Variants in IFNAR2 observed in about 807,000 individuals in gnomAD.
The protein encoded by IFNAR2 is interferon alpha and beta receptor subunit 2, also known as interferon alpha/beta receptor 2.
In IFNAR2, 30 loss-of-function variants were observed where a neutral mutation model predicts 49.4. The observed-to-expected ratio is 0.61, with a 90% CI of 0.45 to 0.82. IFNAR2 has a LOEUF of 0.82. Among genes scored for constraint, IFNAR2 ranks in the 40% least tolerant of loss-of-function variants. The probability of loss-of-function intolerance (pLI) is 0.00; values close to 1 mark genes in which losing one functional copy is unlikely to be tolerated. For synonymous variants in IFNAR2, 224 were observed against 234.5 expected, an observed-to-expected ratio of 0.96 and a Z score of 0.41; for missense variants, 600 against 622.7, an observed-to-expected ratio of 0.96 and a Z score of 0.39.
intron 7 of IFNAR2, among the ~76,000 whole-genome samples, chr21:33,260,355 C>T (rs1988480940): frequency 1.3e-5 from 2 of 152,166 alleles, no homozygotes; most frequent in Admixed American, 6.5e-5. Flanking sequence ...CTCCACTGTA[C>T]AGTGCAGTTA....
chr21:33,256,711 G>A (rs1601813896), intron 7 of IFNAR2, among the ~76,000 whole-genome samples: 3 of 152,164 alleles, frequency 2.0e-5, no homozygotes, highest in African/African-American at 7.2e-5. Context: ...TTTATTGGGG[G>A]CCTGTTATGA....
rs146390537 is a variant in IFNAR2 at position 33,254,058 on chromosome 21, G to A, written c.709+1228G>A. On this transcript the variant is annotated intron_variant, in intron 7 of 8. Transcript: ENST00000342136. ...TGACACCAATGGAAGTATCTTTAATGTTCTGATTTACCAGAATAAAAATAA... is the reference window on the plus strand; with the variant it reads ...TGACACCAATGGAAGTATCTTTAATATTCTGATTTACCAGAATAAAAATAA... Among the ~76,000 whole-genome samples, 686 of 152,230 alleles carry A rather than the reference G, an allele frequency of 4.5e-3. 3 individuals are homozygous for A. The highest frequency in any genetic ancestry group is 0.016 in the African/African-American group (644 of 41,528).
chr21:33,230,659 C>T lies in IFNAR2; in HGVS notation c.-84+443C>T, dbSNP rs1465431159. The T allele has an allele frequency of 2.2e-6, 1 of 462,698 alleles. No individual in the cohort carries two copies. The highest frequency in any genetic ancestry group is 4.5e-6 in the Non-Finnish European group (1 of 222,806). The allele number at this position is 462,698 out of a possible 1,614,324, so 28.7% of individuals were successfully genotyped here. On this transcript the variant is annotated intron_variant, in intron 1 of 8. Coordinates refer to ENST00000342136, the MANE Select transcript of IFNAR2 (RefSeq NM_001289125.3). The surrounding 1 kb of genome is among the most constrained non-coding windows in gnomAD (Gnocchi z 5.5). ...GCTCAGGTTCGGGATCTCCAGCCCG[C>T]CCCCTTGAGGTCCCCTGGGATTAGC...
At chr21:33,255,002 C>T (rs1416014855) in intron 7 of IFNAR2, among the ~76,000 whole-genome samples, 3 of 152,158 alleles carry the variant, frequency 2.0e-5, no homozygotes, top group Non-Finnish European at 4.4e-5. Context: ...CATAACGGTG[C>T]TCTGTGTTGG....
chr21:33,235,197 C>T (rs187809804), intron 1 of IFNAR2, among the ~76,000 whole-genome samples: 5 of 152,328 alleles, frequency 3.3e-5, no homozygotes, highest in African/African-American at 9.6e-5. Flanking sequence ...TTCTTTACTG[C>T]GTCCTGTCTT....
chr21:33,232,911 G>A, intron 1 of IFNAR2: 6 of 968,882 alleles, frequency 6.2e-6, no homozygotes, highest in Non-Finnish European at 7.4e-6. Context: ...TAGCAGCAAA[G>A]TGAACAGAAA....
chr21:33,246,048 A>G (rs1987372710), intron 4 of IFNAR2, among the ~76,000 whole-genome samples: 1 of 151,130 alleles, frequency 6.6e-6, no homozygotes, highest in African/African-American at 2.4e-5. Flanking sequence ...CCCAAGTTTC[A>G]TTCATTCATT....
chr21:33,262,360 G>A (rs1358002701), intron 8 of IFNAR2, among the ~76,000 whole-genome samples: 4 of 85,096 alleles, frequency 4.7e-5, no homozygotes, highest in East Asian at 3.8e-4. Flanking sequence ...CGAGACTCCC[G>A]TCTCAAAAAA....
intron 4 of IFNAR2, among the ~76,000 whole-genome samples, chr21:33,245,285 A>T (rs1302433981): frequency 6.6e-6 from 1 of 152,172 alleles, no homozygotes; most frequent in East Asian, 1.9e-4. Flanking sequence ...TAATAATCCA[A>T]ATCTATTTTG....
intron 1 of IFNAR2, among the ~76,000 whole-genome samples, chr21:33,238,396 G>A (rs1986643740): frequency 6.6e-6 from 1 of 152,116 alleles, no homozygotes; most frequent in South Asian, 2.1e-4. Flanking sequence ...GCGATTTCAT[G>A]GTCTTTTTTT....
chr21:33,246,374 C>T (rs138630586), intron 4 of IFNAR2, among the ~76,000 whole-genome samples: 91 of 152,260 alleles, frequency 6.0e-4, no homozygotes, highest in African/African-American at 2.0e-3. Context: ...CCGGCTCCTC[C>T]GGCAAGTTTT....
At chr21:33,238,940 A>G (rs982254276) in intron 1 of IFNAR2, among the ~76,000 whole-genome samples, 1 of 152,234 alleles carries the variant, frequency 6.6e-6, no homozygotes, top group African/African-American at 2.4e-5. Context: ...ATTAATATTA[A>G]TGTGAAAGAC....
In IFNAR2 at chr21:33,263,053, G is replaced by T; in HGVS notation, c.1101G>T (p.Glu367Asp). 6.2e-7 allele frequency: 1 copy of T among 1,614,156 alleles called. No homozygotes were observed. The highest frequency in any genetic ancestry group is 8.5e-7 in the Non-Finnish European group (1 of 1,180,032). ...SQLIDPESEEEPDLPEVDVEL... is the reference protein window; with the variant it reads ...SQLIDPESEEDPDLPEVDVEL... ...TGATAGACCCGGAGTCCGAGGAGGAGCCTGACCTGCCTGAGGTTGATGTGG... is the reference window on the plus strand; with the variant it reads ...TGATAGACCCGGAGTCCGAGGAGGATCCTGACCTGCCTGAGGTTGATGTGG... The change falls in exon 9 of 9, where the codon GAG becomes GAT. Residue 367 changes from glutamate (E) to aspartate (D), a missense_variant. Glu to Asp is a conservative substitution (Grantham distance 45, BLOSUM62 2). Transcript: ENST00000342136.
chr21:33,234,272 T>G (rs1400325337), intron 1 of IFNAR2, among the ~76,000 whole-genome samples: 1 of 151,304 alleles, frequency 6.6e-6, no homozygotes, highest in African/African-American at 2.4e-5. Flanking sequence ...ATATTAATGA[T>G]AGTAATAGTT....
At chr21:33,234,703 CTCT>C (rs1986318211) in intron 1 of IFNAR2, 1 of 981,194 alleles carries the variant, frequency 1.0e-6, no homozygotes, top group Admixed American at 6.2e-5. Context: ...GCAGGTAGAG[CTCT>C]TCTTTCAGAA....
Position 33,265,537 on chromosome 21 carries a change from T to C in IFNAR2, c.*2037T>C, listed in dbSNP as rs934672295. 1 of 161,320 alleles carries C rather than the reference T, an allele frequency of 6.2e-6. No individual in the cohort carries two copies. The highest frequency in any genetic ancestry group is 2.4e-5 in the African/African-American group (1 of 41,492). 10.0% of individuals were successfully genotyped at this position (161,320 alleles called of 1,614,324 possible). A position where few individuals can be genotyped will look rare whatever the true frequency, so the allele number is the denominator to read the frequency against. ...GTGCATCTGTCATATTCTGAAAGATTCTGGGTTGATCTTTTGCGATAACCT... is the reference window on the plus strand; with the variant it reads ...GTGCATCTGTCATATTCTGAAAGATCCTGGGTTGATCTTTTGCGATAACCT... On this transcript the variant is annotated 3_prime_UTR_variant, in exon 9 of 9. Coordinates refer to ENST00000342136, the MANE Select transcript of IFNAR2 (RefSeq NM_001289125.3).
chr21:33,248,105 T>C (rs1987574695), intron 5 of IFNAR2, among the ~76,000 whole-genome samples: 1 of 152,174 alleles, frequency 6.6e-6, no homozygotes, highest in Non-Finnish European at 1.5e-5. Context: ...TTAGAGGGAA[T>C]ACAAAGAGTG....
At chr21:33,255,989 T>C (rs1352224367) in intron 7 of IFNAR2, among the ~76,000 whole-genome samples, 1 of 152,204 alleles carries the variant, frequency 6.6e-6, no homozygotes, top group East Asian at 1.9e-4. Flanking sequence ...ACTGGATATA[T>C]ATGTATATTT....
chr21:33,244,362 G>A (rs947567259), intron 3 of IFNAR2, among the ~76,000 whole-genome samples: 8 of 152,170 alleles, frequency 5.3e-5, no homozygotes, highest in African/African-American at 1.4e-4. Flanking sequence ...TTCACAGTCT[G>A]TAAAATGAAT....
Sources: gnomAD v4.1 joint callset for allele counts (sites outside exome capture counted in the v4.1 genomes callset) on GRCh38, gnomAD v4.1.1 for gene constraint, Gnocchi (gnomAD v3.1) non-coding constraint, MANE v1.5 for transcripts, NCBI Gene and HGNC (gene_info 2026-07-23, HGNC 2026-07-21) for gene names.